Variants in NSMCE2 observed in about 807,000 individuals in gnomAD.
NSMCE2 encodes the protein NSE2 SUMO ligase component of SMC5/6 complex, also known as E3 SUMO-protein ligase NSE2.
Under a neutral mutation model 23.8 loss-of-function variants are expected in NSMCE2, and 24 were observed. The ratio of observed to expected loss-of-function variants is 1.01; its 90% confidence interval spans 0.73 to 1.42. The LOEUF is 1.42. Ranked by LOEUF, NSMCE2 falls within the 40% of genes most tolerant of loss-of-function variation. The pLI is 0.00. For missense variants in NSMCE2, 284 were observed against 296.5 expected, an observed-to-expected ratio of 0.96 and a Z score of 0.31; for synonymous variants, 92 against 94.1, an observed-to-expected ratio of 0.98 and a Z score of 0.13.
intron 4 of NSMCE2, among the ~76,000 whole-genome samples, chr8:125,175,044 A>G (rs1375779847): frequency 6.6e-6 from 1 of 152,214 alleles, no homozygotes; most frequent in Non-Finnish European, 1.5e-5. Context: ...GTGTGTCCAT[A>G]TGTACATGCA....
chr8:125,225,738 T>C (rs374618803), intron 5 of NSMCE2, among the ~76,000 whole-genome samples: 36 of 152,250 alleles, frequency 2.4e-4, no homozygotes, highest in African/African-American at 8.2e-4. Flanking sequence ...ATTATACTTA[T>C]TTGCTGAACA....
chr8:125,358,500 A>T (rs1035560014), intron 7 of NSMCE2, among the ~76,000 whole-genome samples: 1 of 151,396 alleles, frequency 6.6e-6, no homozygotes, highest in African/African-American at 2.4e-5. Context: ...TATATATAAT[A>T]TACACACACA....
intron 5 of NSMCE2, among the ~76,000 whole-genome samples, chr8:125,192,455 A>G (rs1479940650): frequency 6.6e-6 from 1 of 152,120 alleles, no homozygotes; most frequent in Non-Finnish European, 1.5e-5. Flanking sequence ...AGTCAAATGA[A>G]ATGTTTCAAG....
chr8:125,115,743 A>G (rs1191421002), intron 3 of NSMCE2, among the ~76,000 whole-genome samples: 1 of 151,892 alleles, frequency 6.6e-6, no homozygotes, highest in Non-Finnish European at 1.5e-5. Flanking sequence ...AAAAAATAAT[A>G]ATAAATAAAT....
intron 5 of NSMCE2, among the ~76,000 whole-genome samples, chr8:125,223,786 T>C (rs1429656329): frequency 6.6e-6 from 1 of 151,404 alleles, no homozygotes; most frequent in East Asian, 1.9e-4. Flanking sequence ...TTTTGAGAAA[T>C]GTGTGTTCAG....
intron 3 of NSMCE2, among the ~76,000 whole-genome samples, chr8:125,145,216 A>C (rs1470367426): frequency 1.3e-5 from 2 of 152,164 alleles, no homozygotes; most frequent in Non-Finnish European, 2.9e-5. Flanking sequence ...TTTGAATAAC[A>C]CTTCAGTCCA....
At chr8:125,192,872 A>G (rs943003784) in intron 5 of NSMCE2, among the ~76,000 whole-genome samples, 1 of 152,214 alleles carries the variant, frequency 6.6e-6, no homozygotes, top group Admixed American at 6.5e-5. Context: ...GACGCGCTCT[A>G]CTGCTAACAT....
chr8:125,340,206 G>T (rs1830199280), intron 5 of NSMCE2, among the ~76,000 whole-genome samples: 1 of 151,806 alleles, frequency 6.6e-6, no homozygotes, highest in Non-Finnish European at 1.5e-5. Flanking sequence ...TTTTAGTAGA[G>T]ACGGGGTTTC....
intron 5 of NSMCE2, among the ~76,000 whole-genome samples, chr8:125,272,716 A>T (rs1296422981): frequency 7.1e-6 from 1 of 140,484 alleles, no homozygotes; most frequent in African/African-American, 2.7e-5. Context: ...ATATATATAT[A>T]ATATATATAT....
chr8:125,300,561 T>C (rs533355897), intron 5 of NSMCE2, among the ~76,000 whole-genome samples: 357 of 152,318 alleles, frequency 2.3e-3, no homozygotes, highest in African/African-American at 7.7e-3. Flanking sequence ...TTGGCACTGT[T>C]CCATTCAACA....
intron 5 of NSMCE2, among the ~76,000 whole-genome samples, chr8:125,306,754 A>G (rs558688304): frequency 1.3e-5 from 2 of 152,308 alleles, no homozygotes; most frequent in South Asian, 2.1e-4. Flanking sequence ...GGTTAAAAGT[A>G]CAGGTCCTGG....
At chr8:125,319,303 A>G (rs557749194) in intron 5 of NSMCE2, among the ~76,000 whole-genome samples, 1 of 152,344 alleles carries the variant, frequency 6.6e-6, no homozygotes, top group South Asian at 2.1e-4. Flanking sequence ...AACAGCACCC[A>G]CAATGTCTAG....
chr8:125,112,199 A>C (rs1057349884), intron 3 of NSMCE2, among the ~76,000 whole-genome samples: 3 of 152,274 alleles, frequency 2.0e-5, no homozygotes, highest in African/African-American at 7.2e-5. Context: ...AGATTATTAA[A>C]CATATATACT....
rs1182812858 is a variant in NSMCE2 at position 125,286,560 on chromosome 8, G to A, written c.419-70659G>A. ...ACTCCTGACCTCAAGTGATGCTCCT[G>A]CCTCGGCCTCCCAAAGTGCTGGGAT... On this transcript the variant is annotated intron_variant, in intron 5 of 7. Transcript: ENST00000287437. Among the ~76,000 whole-genome samples the A allele has an allele frequency of 3.4e-4, 51 of 152,134 alleles. 2 individuals carry two copies. Among genetic ancestry groups the A allele is most frequent in the Non-Finnish European group, 7.4e-5 (5 of 68,004 alleles).
chr8:125,244,769 G>A (rs946002667), intron 5 of NSMCE2, among the ~76,000 whole-genome samples: 2 of 152,096 alleles, frequency 1.3e-5, no homozygotes, highest in African/African-American at 4.8e-5. Context: ...ACATTTAGAA[G>A]TACAAGGATT....
Position 125,356,361 on chromosome 8 carries a change from G to A in NSMCE2, c.419-858G>A, listed in dbSNP as rs1205574151. 1.8e-4 allele frequency among the ~76,000 whole-genome samples: 21 copies of A among 114,492 alleles called. No homozygotes were observed. The East Asian group carries it at 2.5e-3, about 14-fold the overall frequency. 75.1% of individuals were successfully genotyped at this position (114,492 alleles called of 152,430 possible). ...TTTTTTTTTTTTGAGACAGAGTCTC[G>A]CTCTGTCACCAGACTGGAGTGAAAT... On this transcript the variant is annotated intron_variant, in intron 5 of 7. Coordinates refer to ENST00000287437, the MANE Select transcript of NSMCE2 (RefSeq NM_173685.4).
intron 3 of NSMCE2, chr8:125,126,917 T>A (rs1819545267): frequency 6.6e-6 from 1 of 152,324 alleles, no homozygotes; most frequent in South Asian, 2.1e-4. Flanking sequence ...GTTCTTATTT[T>A]ATCTGTCAGT....
At chr8:125,179,775 C>G (rs1350297431) in intron 4 of NSMCE2, among the ~76,000 whole-genome samples, 1 of 151,964 alleles carries the variant, frequency 6.6e-6, no homozygotes, top group Non-Finnish European at 1.5e-5. Flanking sequence ...TGCCTCTCCC[C>G]TCCATCCTCA....
At chr8:125,138,553 A>G (rs778405542) in intron 3 of NSMCE2, among the ~76,000 whole-genome samples, 11 of 152,064 alleles carry the variant, frequency 7.2e-5, no homozygotes, top group South Asian at 4.1e-4. Flanking sequence ...TTTAATTGAC[A>G]AGACCAGTGT....
Sources: gnomAD v4.1 joint callset for allele counts (sites outside exome capture counted in the v4.1 genomes callset) on GRCh38, gnomAD v4.1.1 for gene constraint, MANE v1.5 for transcripts, NCBI Gene and HGNC (gene_info 2026-07-23, HGNC 2026-07-21) for gene names.